The following STOX2 variants were observed in gnomAD, a reference collection of about 807,000 sequenced individuals.
STOX2 encodes storkhead box 2, also known as storkhead-box protein 2.
A neutral mutation model predicts 60.9 loss-of-function variants in STOX2; 28 were observed. That is an observed-to-expected ratio of 0.46 (90% CI 0.34 to 0.63). The LOEUF (loss-of-function observed/expected upper bound fraction) is 0.63. Ranked by LOEUF, STOX2 falls within the 30% of genes least tolerant of loss-of-function variation. The pLI is 0.01. For missense variants in STOX2, 1,024 were observed against 1,187.7 expected (o/e 0.86, Z 2.03); for synonymous variants, 472 against 463.9 (o/e 1.02, Z -0.22).
intron 1 of STOX2, among the ~76,000 whole-genome samples, chr4:183,857,505 T>C (rs1447013086): frequency 1.3e-5 from 2 of 152,268 alleles, no homozygotes; most frequent in Admixed American, 6.5e-5. Context: ...CATACTGACA[T>C]GTGCAGGTCA....
intron 1 of STOX2, among the ~76,000 whole-genome samples, chr4:183,946,829 G>A (rs183127688): frequency 1.3e-5 from 2 of 152,212 alleles, no homozygotes; most frequent in East Asian, 1.9e-4. Context: ...GTTTCACCAT[G>A]TTGGTCAGGC....
Position 183,831,989 on chromosome 4 carries a change from C to CT in STOX2, c.364+33951dup, listed in dbSNP as rs11310177. On this transcript the variant is annotated intron_variant, in intron 1 of 2. Transcript: ENST00000513034. ...AGTTCATTCATTTCTTCTTCTTCTT[C>CT]TTTTTTTTTTTTTTTTTGAGACAGA... 3.1e-3 allele frequency among the ~76,000 whole-genome samples: 416 copies of CT among 135,804 alleles called. 3 individuals carry two copies. Among genetic ancestry groups the CT allele is most frequent in the South Asian group, 4.4e-3 (19 of 4,274 alleles). The allele number at this position is 135,804 out of a possible 152,430, so 89.1% of individuals were successfully genotyped here.
At chr4:183,931,939 G>A (rs73870957) in intron 1 of STOX2, among the ~76,000 whole-genome samples, 2,303 of 152,262 alleles carry the variant, frequency 0.015, 73 homozygotes, top group African/African-American at 0.053. Flanking sequence ...GAGAAGGATT[G>A]GAGCGGGCAA....
intron 1 of STOX2, among the ~76,000 whole-genome samples, chr4:183,936,361 G>A: frequency 6.6e-6 from 1 of 151,700 alleles, no homozygotes; most frequent in Non-Finnish European, 1.5e-5. Flanking sequence ...TTGTAAGGCT[G>A]TGATTGATGG....
chr4:183,811,988 G>A (rs966805908), intron 1 of STOX2, among the ~76,000 whole-genome samples: 3 of 147,454 alleles, frequency 2.0e-5, no homozygotes, highest in Middle Eastern at 3.5e-3. Flanking sequence ...CTAGGGTGCA[G>A]TGGTGTGATT....
rs1226913122 is a variant in STOX2, at chr4:184,009,780, C to T, written c.942C>T (p.Ile314=). 6.2e-7 allele frequency: 1 copy of T among 1,612,988 alleles called. No homozygotes were observed. The highest frequency in any genetic ancestry group is 2.2e-5 in the East Asian group (1 of 44,878). The part of the protein sequence containing the change: ...ATIPREVEME[I]IRRINPDLTV... The stretch of plus-strand genomic sequence containing the variant: ...TCCCTCGGGAAGTAGAGATGGAAAT[C>T]ATTAGGCGCATTAACCCAGACCTGA... The change falls in exon 3 of 4, where the codon ATC becomes ATT. Residue 314 remains isoleucine (I), a synonymous_variant. Transcript: ENST00000308497. This position sits in a 1 kb window ranked among gnomAD's most constrained non-coding sequence, Gnocchi z 4.0.
chr4:183,833,090 G>A (rs1345696303), intron 1 of STOX2, among the ~76,000 whole-genome samples: 1 of 152,234 alleles, frequency 6.6e-6, no homozygotes, highest in Non-Finnish European at 1.5e-5. Context: ...CCTGTGAAAT[G>A]GACATGGTTC....
intron 1 of STOX2, among the ~76,000 whole-genome samples, chr4:183,880,040 A>G (rs532340728): frequency 3.3e-5 from 5 of 152,164 alleles, no homozygotes; most frequent in South Asian, 4.2e-4. Flanking sequence ...CCAGAGTTGC[A>G]TGATCTTGGC....
At chr4:183,928,049 A>G (rs573127451) in intron 1 of STOX2, among the ~76,000 whole-genome samples, 1 of 152,340 alleles carries the variant, frequency 6.6e-6, no homozygotes, top group South Asian at 2.1e-4. Context: ...ATCTTTCCAG[A>G]TGAACAGAGG....
intron 1 of STOX2, among the ~76,000 whole-genome samples, chr4:183,981,789 G>A (rs180929083): frequency 9.9e-5 from 15 of 152,218 alleles, no homozygotes; most frequent in Admixed American, 7.8e-4. Context: ...GTGCACCTGC[G>A]GCTGGGCGCA....
At chr4:183,938,691 A>C (rs1271758926) in intron 1 of STOX2, among the ~76,000 whole-genome samples, 2 of 151,878 alleles carry the variant, frequency 1.3e-5, no homozygotes, top group East Asian at 3.9e-4. Context: ...AAAAAAAAAA[A>C]AAATCTATTT....
chr4:183,864,669 C>T (rs1317225691), intron 1 of STOX2, among the ~76,000 whole-genome samples: 4 of 152,142 alleles, frequency 2.6e-5, no homozygotes, highest in African/African-American at 9.7e-5. Context: ...GCTGGGATTA[C>T]AGACAAGAGC....
At chr4:183,961,935 G>A (rs1420342795) in intron 1 of STOX2, among the ~76,000 whole-genome samples, 1 of 152,238 alleles carries the variant, frequency 6.6e-6, no homozygotes, top group Non-Finnish European at 1.5e-5. Context: ...ACCACAGTTG[G>A]AGAGGCCTTT....
intron 1 of STOX2, among the ~76,000 whole-genome samples, chr4:183,848,296 G>A (rs1740031807): frequency 6.6e-6 from 1 of 152,142 alleles, no homozygotes; most frequent in Non-Finnish European, 1.5e-5. Context: ...ATTCTCAGTT[G>A]TTGCCTCTTG....
chr4:183,914,190 CA>C (rs1741864618), intron 1 of STOX2, among the ~76,000 whole-genome samples: 1 of 152,062 alleles, frequency 6.6e-6, no homozygotes, highest in Non-Finnish European at 1.5e-5. Flanking sequence ...TCTGGGAGAA[CA>C]AAGGAACTGG....
intron 1 of STOX2, among the ~76,000 whole-genome samples, chr4:183,846,249 T>A (rs1393361584): frequency 1.3e-5 from 2 of 152,264 alleles, no homozygotes; most frequent in Admixed American, 1.3e-4. Context: ...ATTTCGACAG[T>A]TACATTATAA....
rs145620259 is a variant in STOX2, at chr4:183,924,801, T to C, written c.166+17845T>C. On this transcript the variant is annotated intron_variant, in intron 1 of 3. Coordinates refer to ENST00000308497, the MANE Select transcript of STOX2 (RefSeq NM_020225.3). ...ATGCCTGGCGGTGCCTGTCTCTACC[T>C]TGAAGCAGGAAGTTGGCTGCAAGAG... is the stretch of plus-strand genomic sequence containing the variant. Among the ~76,000 whole-genome samples, 776 of 152,250 alleles carry C rather than the reference T, an allele frequency of 5.1e-3. 21 individuals are homozygous for C. The highest frequency in any genetic ancestry group is 0.036 in the Admixed American group (554 of 15,294).
At chr4:183,919,181 C>T (rs756108621) in intron 1 of STOX2, among the ~76,000 whole-genome samples, 7 of 152,108 alleles carry the variant, frequency 4.6e-5, no homozygotes, top group African/African-American at 7.2e-5. Flanking sequence ...ATATGGTGTA[C>T]GCTGCTTGAT....
intron 1 of STOX2, among the ~76,000 whole-genome samples, chr4:183,891,355 AATTT>A (rs1741206722): frequency 6.0e-5 from 5 of 82,698 alleles, no homozygotes; most frequent in African/African-American, 1.4e-4. Context: ...TATATGATGG[AATTT>A]ATATATATAT....
Sources: gnomAD v4.1 joint callset for allele counts (sites outside exome capture counted in the v4.1 genomes callset) on GRCh38, gnomAD v4.1.1 for gene constraint, Gnocchi (gnomAD v3.1) non-coding constraint, MANE v1.5 for transcripts, NCBI Gene and HGNC (gene_info 2026-07-23, HGNC 2026-07-21) for gene names.